The following SESN3 variants were observed in gnomAD, a reference collection of about 807,000 sequenced individuals.
SESN3 encodes sestrin 3.
SESN3 carries 21 observed loss-of-function variants against 55.3 expected under a neutral mutation model. The ratio of observed to expected loss-of-function variants is 0.38; its 90% CI spans 0.27 to 0.55. SESN3 has a LOEUF of 0.55. Ranked by LOEUF, SESN3 falls within the 20% of genes least tolerant of loss-of-function variation. SESN3 has a pLI of 0.76. For synonymous variants in SESN3, 181 were observed against 203.1 expected (o/e 0.89, Z 0.93); for missense variants, 408 against 604.3 (o/e 0.68, Z 3.41).
chr11:95,217,966 G>T (rs1188760212), intron 1 of SESN3, among the ~76,000 whole-genome samples: 5 of 152,148 alleles, frequency 3.3e-5, no homozygotes, highest in Non-Finnish European at 5.9e-5. Context: ...ATCAGAGGAA[G>T]GGTTTGTTTC....
In SESN3 at chr11:95,167,024, C is replaced by T. The variant is rs530968042; in HGVS notation, c.*6231G>A. The T allele has an allele frequency of 1.3e-5, 2 of 152,286 alleles. No individual in the cohort carries two copies. The highest frequency in any genetic ancestry group is 4.1e-4 in the South Asian group (2 of 4,828). 9.4% of individuals were successfully genotyped at this position (152,286 alleles called of 1,614,324 possible). On this transcript the variant is annotated 3_prime_UTR_variant, in exon 10 of 10. Transcript: ENST00000536441. ...ATTACAAAGGAAACTCCTTGGCCAC[C>T]CAACTAATACATTTCTTTTTTCTTT... is the stretch of plus-strand genomic sequence containing the variant.
chr11:95,213,463 CTG>C (rs2134258152), intron 1 of SESN3, among the ~76,000 whole-genome samples: 1 of 152,260 alleles, frequency 6.6e-6, no homozygotes, highest in South Asian at 2.1e-4. Flanking sequence ...ATATACAGCA[CTG>C]TCATTGACCT....
At chr11:95,191,653 C>A (rs767127078) in intron 2 of SESN3, 52 bp from the exon 3 acceptor site, 7 of 1,410,272 alleles carry the variant, frequency 5.0e-6, no homozygotes, top group Non-Finnish European at 7.0e-6. Flanking sequence ...TAAACACACC[C>A]TTGGTTTAAA....
chr11:95,231,157 CGCCACCGCT>C lies in SESN3; in HGVS notation c.-306_-298del, dbSNP rs1166010117. ...CCCCCGCCAGGCTAGGACGAGCAGC[CGCCACCGCT>C]GCCACCGCCACCACCGCCGCCGCAG... On this transcript the variant is annotated 5_prime_UTR_variant, in exon 1 of 10. Transcript: ENST00000536441. 4 of 416,924 alleles carry C rather than the reference CGCCACCGCT, an allele frequency of 9.6e-6. No homozygotes were observed. In the South Asian group the frequency reaches 3.3e-4, roughly 34 times the overall value. 25.8% of individuals were successfully genotyped at this position (416,924 alleles called of 1,614,324 possible).
chr11:95,173,417 T>G, intron 9 of SESN3, 76 bp from the exon 10 acceptor site: 1 of 856,728 alleles, frequency 1.2e-6, no homozygotes, highest in Non-Finnish European at 1.9e-6. Flanking sequence ...CACAAAGGTT[T>G]TTTTATGTGT....
intron 6 of SESN3, among the ~76,000 whole-genome samples, chr11:95,181,206 G>C (rs1860052623): frequency 6.6e-6 from 1 of 151,824 alleles, no homozygotes; most frequent in Non-Finnish European, 1.5e-5. Context: ...TTTTTGTTTT[G>C]CTCATATACA....
intron 1 of SESN3, chr11:95,200,773 G>T (rs758945784): frequency 6.6e-6 from 1 of 152,002 alleles, no homozygotes; most frequent in Non-Finnish European, 1.5e-5. Flanking sequence ...AGGAACATAG[G>T]AAAGATCTTG....
chr11:95,226,327 C>G (rs1249712394), intron 1 of SESN3, among the ~76,000 whole-genome samples: 1 of 152,166 alleles, frequency 6.6e-6, no homozygotes, highest in Non-Finnish European at 1.5e-5. Context: ...ACAGAGAAAA[C>G]TCTGCTTTGA....
intron 1 of SESN3, among the ~76,000 whole-genome samples, chr11:95,218,363 A>G (rs1269082768): frequency 1.3e-5 from 2 of 152,242 alleles, no homozygotes; most frequent in Non-Finnish European, 2.9e-5. Context: ...TCATCACGCT[A>G]CGTAGGTAAA....
In SESN3 at chr11:95,178,705, T is replaced by G. The variant is rs775000343; in HGVS notation, c.1056+5A>C. ...TAGTTTCTCTGAATTAAAGACATAT[T>G]ATACCTGAGCTCGGAATGTTGGCAA... is the stretch of plus-strand genomic sequence containing the variant. On this transcript the variant is annotated splice_donor_5th_base_variant and intron_variant, in intron 7 of 9. Transcript: ENST00000536441. 2.6e-6 allele frequency: 4 copies of G among 1,550,018 alleles called. No homozygotes were observed. The Admixed American group carries it at 6.7e-5, about 26-fold the overall frequency.
intron 1 of SESN3, among the ~76,000 whole-genome samples, chr11:95,217,722 A>G (rs1463980601): frequency 2.6e-5 from 4 of 151,958 alleles, no homozygotes; most frequent in African/African-American, 9.7e-5. Context: ...ATAGGGCTTG[A>G]ATCTTGCACA....
intron 4 of SESN3, among the ~76,000 whole-genome samples, chr11:95,188,157 G>A (rs568966623): frequency 1.3e-5 from 2 of 151,614 alleles, no homozygotes; most frequent in East Asian, 3.9e-4. Context: ...AATGATTCTC[G>A]ATTCTCTATC....
chr11:95,191,134 C>T (rs1860260607), intron 3 of SESN3, among the ~76,000 whole-genome samples: 1 of 152,006 alleles, frequency 6.6e-6, no homozygotes, highest in Non-Finnish European at 1.5e-5. Context: ...TATTATTTTG[C>T]ATGCTATAAG....
At chr11:95,207,071 G>A (rs1016123129) in intron 1 of SESN3, among the ~76,000 whole-genome samples, 4 of 152,016 alleles carry the variant, frequency 2.6e-5, no homozygotes, top group South Asian at 2.1e-4. Flanking sequence ...GAACCACCAC[G>A]CGCGGCCAAC....
chr11:95,210,102 C>CAAACTA (rs1444749721), intron 1 of SESN3, among the ~76,000 whole-genome samples: 2 of 151,020 alleles, frequency 1.3e-5, no homozygotes, highest in Non-Finnish European at 2.9e-5. Context: ...TCATTCTCAG[C>CAAACTA]AAACTAACAC....
chr11:95,171,314 G>A lies in SESN3; in HGVS notation c.*1941C>T, dbSNP rs1244324913. The A allele has an allele frequency of 6.6e-6, 1 of 152,084 alleles. No individual in the cohort carries two copies. The highest frequency in any genetic ancestry group is 1.5e-5 in the Non-Finnish European group (1 of 68,000). 9.4% of individuals were successfully genotyped at this position (152,084 alleles called of 1,614,324 possible). On this transcript the variant is annotated 3_prime_UTR_variant, in exon 10 of 10. Coordinates refer to ENST00000536441, the MANE Select transcript of SESN3 (RefSeq NM_144665.4). Reference sequence around the variant, plus strand: ...ATGGCATATGCAATAAAACAGACGAGATATGGCACAAGTTCTCTGAATAAT... The same window carrying A: ...ATGGCATATGCAATAAAACAGACGAAATATGGCACAAGTTCTCTGAATAAT...
At chr11:95,184,312 G>A (rs932648846) in intron 6 of SESN3, 108 bp downstream of exon 6, 17 of 881,390 alleles carry the variant, frequency 1.9e-5, no homozygotes, top group Middle Eastern at 5.0e-4. Flanking sequence ...AACTAAATAA[G>A]AGAAAGATGG....
chr11:95,206,032 A>G (rs1395951882), intron 1 of SESN3, among the ~76,000 whole-genome samples: 3 of 152,108 alleles, frequency 2.0e-5, no homozygotes, highest in Non-Finnish European at 4.4e-5. Flanking sequence ...GCCTCAACAC[A>G]GTTCCTAAAT....
intron 1 of SESN3, among the ~76,000 whole-genome samples, chr11:95,210,017 C>CAAAAAAAAAAA (rs71036380): frequency 1.7e-5 from 1 of 60,188 alleles, no homozygotes; most frequent in Non-Finnish European, 3.0e-5. Context: ...AACTCCATCT[C>CAAAAAAAAAAA]AAAAAAAAAA....
Sources: gnomAD v4.1 joint callset for allele counts (sites outside exome capture counted in the v4.1 genomes callset) on GRCh38, gnomAD v4.1.1 for gene constraint, MANE v1.5 for transcripts, NCBI Gene and HGNC (gene_info 2026-07-23, HGNC 2026-07-21) for gene names.